The following GABRG1 variants were observed in gnomAD, a reference collection of about 807,000 sequenced individuals.
The protein encoded by GABRG1 is gamma-aminobutyric acid type A receptor subunit gamma1.
In GABRG1, 49 loss-of-function variants were observed where a neutral mutation model predicts 49.8. The ratio of observed to expected loss-of-function variants is 0.98; its 90% confidence interval spans 0.78 to 1.25. The LOEUF is 1.25. GABRG1 is among the 50% of genes most tolerant of loss of function. The probability of loss-of-function intolerance (pLI) is 0.00; values close to 1 mark genes in which losing one functional copy is unlikely to be tolerated. For synonymous variants in GABRG1, 232 were observed against 185.1 expected (o/e 1.25, Z -2.06); for missense variants, 552 against 552.3 (o/e 1.00, Z 0.01).
chr4:46,050,751 A>T (rs1347626557), intron 8 of GABRG1, among the ~76,000 whole-genome samples: 1 of 151,810 alleles, frequency 6.6e-6, no homozygotes, highest in African/African-American at 2.4e-5. Flanking sequence ...TTGAACCTCT[A>T]CTTAGAGAGT....
intron 3 of GABRG1, among the ~76,000 whole-genome samples, chr4:46,078,746 C>T (rs750405562): frequency 2.6e-5 from 4 of 151,952 alleles, no homozygotes; most frequent in Non-Finnish European, 5.9e-5. Flanking sequence ...TTTGAACTGC[C>T]TCTTAAAGCT....
chr4:46,095,753 C>A (rs2109430417), intron 2 of GABRG1, among the ~76,000 whole-genome samples: 1 of 151,932 alleles, frequency 6.6e-6, no homozygotes, highest in Middle Eastern at 3.4e-3. Context: ...TCTGAAAAAT[C>A]TACTCAATAA....
At chr4:46,062,995 A>T (rs1455969250) in intron 5 of GABRG1, among the ~76,000 whole-genome samples, 1 of 151,370 alleles carries the variant, frequency 6.6e-6, no homozygotes, top group East Asian at 1.9e-4. Flanking sequence ...AGAACTACAA[A>T]CCACTGCTCA....
intron 5 of GABRG1, among the ~76,000 whole-genome samples, chr4:46,059,358 T>A (rs1249265229): frequency 1.3e-5 from 2 of 151,970 alleles, no homozygotes; most frequent in East Asian, 3.9e-4. Flanking sequence ...GTAGTGCCAA[T>A]CTTTTTTCCA....
chr4:46,051,616 C>T lies in GABRG1; in HGVS notation c.939G>A (p.Met313Ile). ...TCCTGGCAATTGTACTCAGGGTTGT[C>T]ATAGTCAGAACTGTAGTGATACCTA... ...TSLGITTVLTMTTLSTIARKS... is the reference protein window; with the variant it reads ...TSLGITTVLTITTLSTIARKS... The change falls in exon 8 of 9, where the codon ATG becomes ATA. Residue 313 changes from methionine (M) to isoleucine (I), a missense_variant. Transcript: ENST00000295452. The T allele has an allele frequency of 6.2e-7, 1 of 1,608,998 alleles. No individual in the cohort carries two copies. Among genetic ancestry groups the T allele is most frequent in the Non-Finnish European group, 8.5e-7 (1 of 1,176,432 alleles).
intron 3 of GABRG1, among the ~76,000 whole-genome samples, chr4:46,081,928 T>C (rs1248375893): frequency 1.3e-5 from 2 of 151,838 alleles, no homozygotes; most frequent in African/African-American, 4.8e-5. Flanking sequence ...GCCAATGACA[T>C]AGATCTTGGA....
intron 3 of GABRG1, among the ~76,000 whole-genome samples, chr4:46,065,793 G>C: frequency 6.6e-6 from 1 of 152,152 alleles, no homozygotes; most frequent in Middle Eastern, 3.4e-3. Context: ...TGCAATCTCG[G>C]CTCACCGCAA....
intron 1 of GABRG1, among the ~76,000 whole-genome samples, chr4:46,114,274 G>A (rs1308661867): frequency 6.6e-6 from 1 of 150,932 alleles, no homozygotes; most frequent in African/African-American, 2.4e-5. Flanking sequence ...TTTTAAAGAG[G>A]AGAATTGATA....
chr4:46,121,652 A>T (rs774385408), intron 1 of GABRG1, among the ~76,000 whole-genome samples: 1 of 132,010 alleles, frequency 7.6e-6, no homozygotes, highest in African/African-American at 3.9e-5. Flanking sequence ...AAGCATGCTT[A>T]CATTTGCCTT....
At chr4:46,078,742 C>T (rs1211286213) in intron 3 of GABRG1, among the ~76,000 whole-genome samples, 3 of 151,950 alleles carry the variant, frequency 2.0e-5, no homozygotes, top group Non-Finnish European at 4.4e-5. Flanking sequence ...CCATTTTGAA[C>T]TGCCTCTTAA....
intron 3 of GABRG1, among the ~76,000 whole-genome samples, chr4:46,075,538 C>A (rs1248977731): frequency 1.3e-5 from 2 of 152,018 alleles, no homozygotes; most frequent in Non-Finnish European, 2.9e-5. Flanking sequence ...TCTGAGATTA[C>A]TGTATCCGAA....
At chr4:46,065,183 CATA>C (rs902093528) in intron 4 of GABRG1, among the ~76,000 whole-genome samples, 178 bp downstream of exon 4, 7 of 152,260 alleles carry the variant, frequency 4.6e-5, no homozygotes, top group African/African-American at 1.7e-4. Flanking sequence ...GTCCTTTTCA[CATA>C]ATAATAACTG....
At chr4:46,053,638 G>A (rs774120898) in intron 7 of GABRG1, among the ~76,000 whole-genome samples, 7 of 151,862 alleles carry the variant, frequency 4.6e-5, no homozygotes, top group African/African-American at 1.4e-4. Flanking sequence ...AGTGTTTCTT[G>A]GCTCCACAAT....
intron 1 of GABRG1, among the ~76,000 whole-genome samples, chr4:46,116,124 G>T (rs555118870): frequency 1.3e-5 from 2 of 150,786 alleles, no homozygotes; most frequent in Non-Finnish European, 3.0e-5. Flanking sequence ...GGCTAACTTT[G>T]TTCCTCAAAG....
intron 1 of GABRG1, among the ~76,000 whole-genome samples, chr4:46,098,852 G>A (rs138453877): frequency 1.1e-3 from 168 of 151,686 alleles, no homozygotes; most frequent in African/African-American, 3.8e-3. Context: ...CAATGGTTGG[G>A]GGGTTGGGGC....
chr4:46,057,529 A>G (rs958930630), intron 7 of GABRG1, among the ~76,000 whole-genome samples: 33 of 152,190 alleles, frequency 2.2e-4, no homozygotes, highest in African/African-American at 7.9e-4. Flanking sequence ...AAATAACTAT[A>G]CTGTAATTAG....
intron 3 of GABRG1, among the ~76,000 whole-genome samples, chr4:46,067,213 T>C (rs1718950745): frequency 6.6e-6 from 1 of 152,088 alleles, no homozygotes. Flanking sequence ...ATACTACTTA[T>C]AATTACAATT....
intron 1 of GABRG1, among the ~76,000 whole-genome samples, chr4:46,118,811 A>AG (rs1721011451): frequency 1.3e-5 from 2 of 151,120 alleles, no homozygotes; most frequent in African/African-American, 4.8e-5. Context: ...TGAAAATAAA[A>AG]AAAACTATAA....
intron 1 of GABRG1, among the ~76,000 whole-genome samples, chr4:46,101,561 G>T (rs186183317): frequency 1.3e-5 from 2 of 151,494 alleles, no homozygotes; most frequent in Non-Finnish European, 3.0e-5. Context: ...AGATAATACC[G>T]TGTACTAAAA....
Sources: allele counts gnomAD v4.1 joint callset (sites outside exome capture counted in the v4.1 genomes callset), GRCh38; gene constraint gnomAD v4.1.1; transcripts MANE v1.5; gene names NCBI Gene and HGNC (gene_info 2026-07-23, HGNC 2026-07-21).